PM20D2: variants seen among roughly 807,000 people sequenced by gnomAD.
PM20D2 encodes xaa-Arg dipeptidase.
PM20D2 carries 33 observed loss-of-function variants against 42.9 expected under a neutral mutation model. That is an observed-to-expected ratio of 0.77 (90% CI 0.58 to 1.03). The LOEUF (loss-of-function observed/expected upper bound fraction) is 1.03. Ranked by LOEUF, PM20D2 falls within the 50% of genes least tolerant of loss-of-function variation. The pLI, the probability that PM20D2 is intolerant of heterozygous loss-of-function variation, is 0.00. For missense variants in PM20D2, 548 were observed against 557.0 expected, an observed-to-expected ratio of 0.98 and a Z score of 0.16; for synonymous variants, 250 against 228.2, an observed-to-expected ratio of 1.10 and a Z score of -0.86.
At chr6:89,123,461 C>T in the PM20D2 span, among the ~76,000 whole-genome samples, 6 of 151,982 alleles carry the variant, frequency 3.9e-5, no homozygotes, top group Non-Finnish European at 7.4e-5. Flanking sequence ...TTGCTCATGC[C>T]TGTAATCTCA....
At chr6:89,155,979 G>C (rs1302555066) in intron 4 of PM20D2, among the ~76,000 whole-genome samples, 1 of 151,756 alleles carries the variant, frequency 6.6e-6, no homozygotes, top group Non-Finnish European at 1.5e-5. Context: ...CTGCCTCCCA[G>C]GTTCAAACAA....
At chr6:89,154,551 C>T (rs1770965587) in intron 3 of PM20D2, among the ~76,000 whole-genome samples, 197 bp from the exon 4 acceptor site, 1 of 152,030 alleles carries the variant, frequency 6.6e-6, no homozygotes, top group Non-Finnish European at 1.5e-5. Flanking sequence ...TTTTTCTTAT[C>T]AGCCAAAAAA....
At chr6:89,113,932 T>C in the PM20D2 span, among the ~76,000 whole-genome samples, 2 of 152,190 alleles carry the variant, frequency 1.3e-5, no homozygotes, top group African/African-American at 4.8e-5. Context: ...CATGAGCCAC[T>C]GTGCCCTATC....
At chr6:89,112,999 C>G in the PM20D2 span, among the ~76,000 whole-genome samples, 1 of 152,130 alleles carries the variant, frequency 6.6e-6, no homozygotes, top group African/African-American at 2.4e-5. Context: ...ACGGGCCACA[C>G]CACATAGCCT....
chr6:89,100,354 T>C, the PM20D2 span, among the ~76,000 whole-genome samples: 2 of 152,216 alleles, frequency 1.3e-5, no homozygotes, highest in African/African-American at 4.8e-5. Context: ...GGCCATGCCC[T>C]AGGAATAAAT....
At chr6:89,094,466 C>CGT in the PM20D2 span, among the ~76,000 whole-genome samples, 1 of 151,992 alleles carries the variant, frequency 6.6e-6, no homozygotes, top group African/African-American at 2.4e-5. Flanking sequence ...ATGATCTGCC[C>CGT]CACCCCCCGG....
chr6:89,142,075 GC>G (rs1770336694), upstream of PM20D2, among the ~76,000 whole-genome samples: 1 of 151,702 alleles, frequency 6.6e-6, no homozygotes, highest in South Asian at 2.1e-4. Flanking sequence ...TCCCACCTCA[GC>G]CTCTTAAAGT....
At chr6:89,102,954 G>A in the PM20D2 span, among the ~76,000 whole-genome samples, 1 of 152,068 alleles carries the variant, frequency 6.6e-6, no homozygotes, top group African/African-American at 2.4e-5. Context: ...TGTAGACATG[G>A]GGGTCTCACT....
chr6:89,154,571 A>T (rs1263767779), intron 3 of PM20D2, among the ~76,000 whole-genome samples, 177 bp from the exon 4 acceptor site: 1 of 152,200 alleles, frequency 6.6e-6, no homozygotes, highest in Admixed American at 6.5e-5. Context: ...ATATCACCCT[A>T]TGTAAAGAAA....
At chr6:89,155,435 G>A (rs994930052) in intron 4 of PM20D2, among the ~76,000 whole-genome samples, 4 of 150,716 alleles carry the variant, frequency 2.7e-5, no homozygotes, top group Non-Finnish European at 5.9e-5. Context: ...CTACAGGCAC[G>A]CACCACCACA....
the PM20D2 span, among the ~76,000 whole-genome samples, chr6:89,103,991 CTTT>C: frequency 2.4e-4 from 20 of 81,940 alleles, no homozygotes; most frequent in South Asian, 5.0e-4. Flanking sequence ...TATTATATTT[CTTT>C]TTTTTTTTTT....
the PM20D2 span, among the ~76,000 whole-genome samples, chr6:89,095,277 G>A: frequency 2.0e-5 from 3 of 152,262 alleles, no homozygotes; most frequent in South Asian, 6.2e-4. Context: ...CCAGGCTTGA[G>A]TATAGTGACA....
chr6:89,135,206 T>C, the PM20D2 span, among the ~76,000 whole-genome samples: 1 of 151,404 alleles, frequency 6.6e-6, no homozygotes. Flanking sequence ...ACTTCTCCTT[T>C]TTTTACTTCA....
Position 89,154,914 on chromosome 6 carries a change from TAAAAGTTAATC to T in PM20D2, c.912+13_912+23del, listed in dbSNP as rs779937325. On this transcript the variant is annotated intron_variant, in intron 4 of 6. Coordinates refer to ENST00000275072, the MANE Select transcript of PM20D2 (RefSeq NM_001010853.3). ...CTTCAGGGTGCACAGTAAGAACTTT[TAAAAGTTAATC>T]TAAGTTACAATCAGAGGTATATATG... is the stretch of plus-strand genomic sequence containing the variant. 3.8e-6 allele frequency: 6 copies of T among 1,558,768 alleles called. No individual in the cohort carries two copies. Among genetic ancestry groups the T allele is most frequent in the Non-Finnish European group, 5.2e-6 (6 of 1,156,796 alleles).
chr6:89,145,877 G>A (rs1770513148), upstream of PM20D2, among the ~76,000 whole-genome samples: 1 of 152,246 alleles, frequency 6.6e-6, no homozygotes, highest in Non-Finnish European at 1.5e-5. Flanking sequence ...CAGCCAAGGA[G>A]GTGGAAGAGT....
the PM20D2 span, among the ~76,000 whole-genome samples, chr6:89,100,647 A>T: frequency 9.5e-4 from 145 of 152,310 alleles, 1 homozygote; most frequent in African/African-American, 3.4e-3. Flanking sequence ...TATGAGTAAT[A>T]TATTTAAGAA....
chr6:89,161,836 T>C lies in PM20D2; in HGVS notation c.1102T>C (p.Phe368Leu). The change falls in exon 6 of 7, where the codon TTT (phenylalanine) becomes CTT (leucine). Residue 368 changes from phenylalanine to leucine, a missense_variant. Phe to Leu is a conservative substitution (Grantham distance 22, BLOSUM62 0). Coordinates refer to ENST00000275072, the MANE Select transcript of PM20D2 (RefSeq NM_001010853.3). The part of the protein sequence containing the change: ...SFVVPGIHPY[F>L]HIGSNALNHT... ...TGTGGTTCCTGGAATTCATCCATATTTTCACATTGGATCTAATGCCTTGAA... is the reference window on the plus strand; with the variant it reads ...TGTGGTTCCTGGAATTCATCCATATCTTCACATTGGATCTAATGCCTTGAA... 6.2e-7 allele frequency: 1 copy of C among 1,613,922 alleles called. No homozygotes were observed. The highest frequency in any genetic ancestry group is 8.5e-7 in the Non-Finnish European group (1 of 1,179,738).
upstream of PM20D2, among the ~76,000 whole-genome samples, chr6:89,143,816 C>T (rs1004908267): frequency 2.6e-5 from 4 of 152,178 alleles, no homozygotes; most frequent in African/African-American, 9.7e-5. Context: ...CCCAGCTCCA[C>T]ATAAAGGACT....
chr6:89,098,791 T>G, the PM20D2 span: 13 of 1,613,878 alleles, frequency 8.1e-6, no homozygotes, highest in Admixed American at 1.2e-4. Flanking sequence ...ATTTTCCTAT[T>G]GACTTGGACC....
Sources: allele counts gnomAD v4.1 joint callset (sites outside exome capture counted in the v4.1 genomes callset), GRCh38; gene constraint gnomAD v4.1.1; transcripts MANE v1.5; gene names NCBI Gene and HGNC (gene_info 2026-07-23, HGNC 2026-07-21).